Variants in PKD1 observed in about 807,000 individuals in gnomAD.
PKD1 encodes the protein polycystin-1.
In PKD1, 81 loss-of-function variants were observed where a neutral mutation model predicts 361.7. The ratio of observed to expected loss-of-function variants is 0.22; its 90% CI spans 0.19 to 0.27. The LOEUF is 0.27. Among genes scored for constraint, PKD1 ranks in the 10% least tolerant of loss-of-function variants. The pLI is 1.00. For synonymous variants in PKD1, 3,615 were observed against 2,818.3 expected (o/e 1.28, Z -8.95); for missense variants, 6,399 against 6,118.3 (o/e 1.05, Z -1.53).
chr16:2,111,573 G>A lies in PKD1; in HGVS notation c.3594C>T (p.Ser1198=), dbSNP rs765083786. The A allele has an allele frequency of 2.0e-5, 31 of 1,576,974 alleles. No individual in the cohort carries two copies. The highest frequency in any genetic ancestry group is 6.7e-5 in the African/African-American group (5 of 74,134). Residue 1198 remains serine, a synonymous_variant, in exon 15 of 46, where the codon AGC becomes AGT. Coordinates refer to ENST00000262304, the MANE Select transcript of PKD1 (RefSeq NM_001009944.3). Reference sequence around the variant, plus strand: ...GCACATCCGCCTGGGCCGCCGCACCGCTCACCGTGTTGTTGACCTCCAGGC... The same window carrying A: ...GCACATCCGCCTGGGCCGCCGCACCACTCACCGTGTTGTTGACCTCCAGGC... ...HVRLEVNNTV[S]GAAAQADVRV...
At position 2,109,556 on chromosome 16, in the gene PKD1, C is replaced by T. The variant is rs144137200; in HGVS notation, c.5611G>A (p.Ala1871Thr). 10,450 of 1,611,596 alleles carry T rather than the reference C, an allele frequency of 6.5e-3. 55 individuals carry two copies. Among genetic ancestry groups the T allele is most frequent in the Non-Finnish European group, 7.8e-3 (9,189 of 1,179,520 alleles). The change falls in exon 15 of 46, where the codon GCA (alanine) becomes ACA (threonine). Residue 1871 changes from alanine (A) to threonine (T), a missense_variant. Physicochemically the swap from Ala to Thr is moderately conservative, Grantham distance 58. Coordinates refer to ENST00000262304, the MANE Select transcript of PKD1 (RefSeq NM_001009944.3). Reference sequence around the variant, plus strand: ...TACGTGGCTGAGACCCAGCTGACTGCGTTGGAGGCATTGAGCCGGATGGAG... The same window carrying T: ...TACGTGGCTGAGACCCAGCTGACTGTGTTGGAGGCATTGAGCCGGATGGAG... ...TFSIRLNASN[A>T]VSWVSATYNL...
chr16:2,089,976 G>C lies in PKD1; in HGVS notation c.12663C>G (p.Ala4221=). Residue 4221 remains alanine, a synonymous_variant, in exon 46 of 46, where the codon GCC becomes GCG. Coordinates refer to ENST00000262304, the MANE Select transcript of PKD1 (RefSeq NM_001009944.3). ...EPSRLQAVFE[A]LLTQFDRLNQ... ...TGAGTCGGTCAAACTGGGTGAGCAG[G>C]GCCTCGAACACGGCTTGGAGGCGGG... 1 of 1,612,034 alleles carries C rather than the reference G, an allele frequency of 6.2e-7. No individual in the cohort carries two copies.
intron 40 of PKD1, 49 bp from the exon 41 acceptor site, chr16:2,091,955 C>A: frequency 1.9e-6 from 3 of 1,611,818 alleles, no homozygotes; most frequent in Non-Finnish European, 2.5e-6. Context: ...CTTCCGGCAC[C>A]CCGGAGCCAG....
rs529066905 is a variant in PKD1 at position 2,118,216 on chromosome 16, C to T, written c.776G>A (p.Cys259Tyr). Residue 259 changes from cysteine to tyrosine, a missense_variant, in exon 5 of 46, where the codon TGT (cysteine) becomes TAT (tyrosine). Transcript: ENST00000262304. This position sits in a 1 kb window ranked among gnomAD's most constrained non-coding sequence, Gnocchi z 6.0. ...SGPPPPPAPTCRGPTLLQHVF... is the reference protein window; with the variant it reads ...SGPPPPPAPTYRGPTLLQHVF... ...GTGCTGGAGGAGGGTGGGGCCCCTA[C>T]AGGTGGGGGCAGGAGGTGGCGGGGG... is the stretch of plus-strand genomic sequence containing the variant. 401 of 1,533,570 alleles carry T rather than the reference C, an allele frequency of 2.6e-4. No individual in the cohort carries two copies. Among genetic ancestry groups the T allele is most frequent in the Non-Finnish European group, 3.3e-4 (374 of 1,142,354 alleles). The allele number at this position is 1,533,570 out of a possible 1,614,324, so 95.0% of individuals were successfully genotyped here.
At chr16:2,122,000 G>A (rs1328156758) in intron 1 of PKD1, among the ~76,000 whole-genome samples, 3 of 152,246 alleles carry the variant, frequency 2.0e-5, no homozygotes, top group Admixed American at 6.5e-5. Context: ...CCGGAGCTCC[G>A]CTCCCACAGG....
At chr16:2,122,670 C>T (rs962112295) in intron 1 of PKD1, among the ~76,000 whole-genome samples, 2 of 152,226 alleles carry the variant, frequency 1.3e-5, no homozygotes, top group South Asian at 2.1e-4. Flanking sequence ...AACACTGTGC[C>T]GTGAGGAACT....
rs560827521 is a variant in PKD1 at position 2,130,186 on chromosome 16, G to A, written c.215+5289C>T. 9.8e-5 allele frequency among the ~76,000 whole-genome samples: 15 copies of A among 152,350 alleles called. No homozygotes were observed. In the East Asian group the frequency reaches 2.1e-3, roughly 22 times the overall value. On this transcript the variant is annotated intron_variant, in intron 1 of 45. Coordinates refer to ENST00000262304, the MANE Select transcript of PKD1 (RefSeq NM_001009944.3). ...CTGAACGCCCGAGTGCGGGAGCCAC[G>A]TAAGACCCGGCTCAGGGACCCCGGG...
chr16:2,112,513 G>C (rs752351579), intron 13 of PKD1, 40 bp from the exon 14 acceptor site: 2 of 1,571,726 alleles, frequency 1.3e-6, no homozygotes, highest in South Asian at 1.1e-5. Flanking sequence ...ACCGGGACAG[G>C]GGTGGGCGGT....
intron 1 of PKD1, among the ~76,000 whole-genome samples, chr16:2,128,478 C>A (rs898694723): frequency 7.9e-5 from 12 of 152,016 alleles, no homozygotes; most frequent in African/African-American, 2.2e-4. Context: ...AACCAGGGCA[C>A]TAGTGTGGGC....
chr16:2,099,967 T>C lies in PKD1; in HGVS notation c.9817A>G (p.Ser3273Gly). The C allele has an allele frequency of 1.3e-6, 2 of 1,563,560 alleles. No homozygotes were observed. The highest frequency in any genetic ancestry group is 1.7e-6 in the Non-Finnish European group (2 of 1,155,624). The change falls in exon 29 of 46, where the codon AGC (serine) becomes GGC (glycine). Residue 3273 changes from serine to glycine, a missense_variant. Coordinates refer to ENST00000262304, the MANE Select transcript of PKD1 (RefSeq NM_001009944.3). ...WLSIWDRPPR[S>G]RFTRIQRATC... ...GCCCTCTGGATGCGAGTGAAACGGC[T>C]ACGAGGCGGCCGGTCCCATATGGAG...
chr16:2,117,214 C>T (rs970408570), intron 6 of PKD1, among the ~76,000 whole-genome samples, 161 bp from the exon 7 acceptor site: 1 of 152,212 alleles, frequency 6.6e-6, no homozygotes, highest in African/African-American at 2.4e-5. Context: ...CTCACAGCAG[C>T]ACCCACCCAC....
In PKD1 at chr16:2,102,974, G is replaced by T. The variant is rs2092158078; in HGVS notation, c.8792-4C>A. On this transcript the variant is annotated splice_polypyrimidine_tract_variant and splice_region_variant and intron_variant, in intron 23 of 45. Coordinates refer to ENST00000262304, the MANE Select transcript of PKD1 (RefSeq NM_001009944.3). The stretch of plus-strand genomic sequence containing the variant: ...GGTTCCTCAGACAGGTAGTGGCCTG[G>T]GGCAGAACGCGCAGGTCACACGCCT... 6.2e-7 allele frequency: 1 copy of T among 1,603,054 alleles called. No homozygotes were observed. The highest frequency in any genetic ancestry group is 8.5e-7 in the Non-Finnish European group (1 of 1,179,634).
Position 2,108,003 on chromosome 16 carries a change from A to G in PKD1, c.6945T>C (p.Phe2315=), listed in dbSNP as rs1475362521. Residue 2315 remains phenylalanine, a synonymous_variant, in exon 16 of 46, where the codon TTT becomes TTC. Coordinates refer to ENST00000262304, the MANE Select transcript of PKD1 (RefSeq NM_001009944.3). ...TGACCGTGCTGCTCCCGCGGGGCCCAAAGTTCAGCGCACACCCGCCAGCCT... is the reference window on the plus strand; with the variant it reads ...TGACCGTGCTGCTCCCGCGGGGCCCGAAGTTCAGCGCACACCCGCCAGCCT... ...QREAGGCALN[F]GPRGSSTVTI... 12 of 1,548,854 alleles carry G rather than the reference A, an allele frequency of 7.7e-6. No homozygotes were observed. The highest frequency in any genetic ancestry group is 1.2e-5 in the South Asian group (1 of 84,272).
Position 2,119,000 on chromosome 16 carries a change from GC to G in PKD1, c.359+113del. 2.2e-6 allele frequency: 2 copies of G among 904,290 alleles called. No individual in the cohort carries two copies. The highest frequency in any genetic ancestry group is 3.5e-6 in the Non-Finnish European group (2 of 572,392). 56.0% of individuals were successfully genotyped at this position (904,290 alleles called of 1,614,324 possible). ...GGGGGCTCCAAGCAGGCAGTGAACT[GC>G]CCCCAGGATCTGGTCTCAAGCCTGG... is the stretch of plus-strand genomic sequence containing the variant. On this transcript the variant is annotated intron_variant, in intron 3 of 45. Transcript: ENST00000262304. The surrounding 1 kb of genome is among the most constrained non-coding windows in gnomAD (Gnocchi z 6.0).
intron 34 of PKD1, chr16:2,094,610 T>C (rs1381434707): frequency 3.4e-6 from 1 of 294,764 alleles, no homozygotes; most frequent in Admixed American, 4.9e-5. Flanking sequence ...GTCTGTCCCA[T>C]GCAGGTTTAT....
At position 2,109,614 on chromosome 16, in the gene PKD1, A is replaced by G. The variant is rs746298258; in HGVS notation, c.5553T>C (p.His1851=). The part of the protein sequence containing the change: ...VPGGSSKRGP[H]VTMVFPDAGT... ...CAGCATCCGGGAAGACCATGGTGAC[A>G]TGAGGGCCACGCTTGCTGCTGCCGC... Residue 1851 remains histidine (H), a synonymous_variant, in exon 15 of 46, where the codon CAT becomes CAC. Coordinates refer to ENST00000262304, the MANE Select transcript of PKD1 (RefSeq NM_001009944.3). 4 of 1,609,738 alleles carry G rather than the reference A, an allele frequency of 2.5e-6. No homozygotes were observed. The highest frequency in any genetic ancestry group is 2.2e-5 in the South Asian group (2 of 90,606).
intron 1 of PKD1, among the ~76,000 whole-genome samples, chr16:2,127,755 A>T (rs1420283537): frequency 6.6e-6 from 1 of 151,156 alleles, no homozygotes; most frequent in African/African-American, 2.4e-5. Flanking sequence ...AGGCTGAGAG[A>T]CTGGACCAAG....
At chr16:2,093,201 T>A in intron 37 of PKD1, 108 bp from the exon 38 acceptor site, 1 of 1,383,350 alleles carries the variant, frequency 7.2e-7, no homozygotes, top group Non-Finnish European at 1.0e-6. Context: ...TGCAGGAAGG[T>A]GAGCTGGCAG....
chr16:2,125,698 T>C (rs576863344), intron 1 of PKD1, among the ~76,000 whole-genome samples: 2 of 151,942 alleles, frequency 1.3e-5, no homozygotes, highest in African/African-American at 2.4e-5. Flanking sequence ...GAGCGCTTCA[T>C]ACGTATGCTA....
Sources: allele counts gnomAD v4.1 joint callset (sites outside exome capture counted in the v4.1 genomes callset), GRCh38; gene constraint gnomAD v4.1.1; non-coding constraint Gnocchi (gnomAD v3.1); transcripts MANE v1.5; gene names NCBI Gene and HGNC (gene_info 2026-07-23, HGNC 2026-07-21).